PUDP: variants seen among roughly 807,000 people sequenced by gnomAD.
The protein encoded by PUDP is pseudouridine-5'-phosphatase.
A neutral mutation model predicts 9.4 loss-of-function variants in PUDP; 8 were observed. The observed-to-expected ratio is 0.85, with a 90% CI of 0.50 to 1.53. The LOEUF is 1.53. Ranked by LOEUF, PUDP falls within the 40% of genes most tolerant of loss-of-function variation. The pLI is 0.00. For missense variants in PUDP, 188 were observed against 189.7 expected, an observed-to-expected ratio of 0.99 and a Z score of 0.05; for synonymous variants, 99 against 80.7, an observed-to-expected ratio of 1.23 and a Z score of -1.22.
At chrX:6,745,762 G>A (rs5948746) in intron 3 of PUDP, among the ~76,000 whole-genome samples, 29,184 of 110,672 alleles carry the variant, frequency 0.26, 3,750 homozygotes, top group African/African-American at 0.49. Context: ...TCCCACCTCA[G>A]CTTCCCAAGT....
chrX:6,891,619 A>G (rs1927517573), intron 3 of PUDP, among the ~76,000 whole-genome samples: 1 of 111,869 alleles, frequency 8.9e-6, no homozygotes, highest in Non-Finnish European at 1.9e-5. Context: ...TCTGCCTTGG[A>G]CAAGTCATTG....
chrX:6,883,959 G>T (rs1194500447), intron 3 of PUDP, among the ~76,000 whole-genome samples: 1 of 111,257 alleles, frequency 9.0e-6, no homozygotes, highest in African/African-American at 3.3e-5. Flanking sequence ...TCCTGCCTCA[G>T]CCTCCCAAGT....
chrX:6,855,537 A>C (rs1442251432), intron 3 of PUDP, among the ~76,000 whole-genome samples: 1 of 111,621 alleles, frequency 9.0e-6, no homozygotes, highest in Non-Finnish European at 1.9e-5. Context: ...CCCAATCCCC[A>C]TTAGATACTG....
intron 3 of PUDP, among the ~76,000 whole-genome samples, chrX:6,821,938 T>G (rs1602634286): frequency 8.9e-6 from 1 of 111,872 alleles, no homozygotes; most frequent in African/African-American, 3.3e-5. Context: ...TCAGCTTCTT[T>G]GTGTACTGTG....
chrX:6,865,675 G>T (rs1197152661), intron 3 of PUDP, among the ~76,000 whole-genome samples: 1 of 111,618 alleles, frequency 9.0e-6, no homozygotes, highest in African/African-American at 3.3e-5. Flanking sequence ...ATTTGATGGA[G>T]CATTCCCTCA....
intron 3 of PUDP, among the ~76,000 whole-genome samples, chrX:7,052,911 A>C (rs896531882): frequency 8.9e-6 from 1 of 111,899 alleles, no homozygotes; most frequent in African/African-American, 3.2e-5. Flanking sequence ...GGACGCGAGA[A>C]GAAATGACTC....
chrX:7,092,093 A>G (rs1239947092), intron 2 of PUDP, among the ~76,000 whole-genome samples: 1 of 113,083 alleles, frequency 8.8e-6, no homozygotes, highest in African/African-American at 3.2e-5. Flanking sequence ...GTAATGGCCT[A>G]CAAGGCCAGG....
chrX:7,121,742 A>C (rs768612559), intron 1 of PUDP, among the ~76,000 whole-genome samples: 8 of 111,464 alleles, frequency 7.2e-5, no homozygotes, highest in African/African-American at 2.3e-4. Context: ...TGTGCCAGGG[A>C]ACCCCCTGCG....
intron 3 of PUDP, among the ~76,000 whole-genome samples, chrX:6,967,078 T>G (rs1273522606): frequency 1.8e-5 from 2 of 111,354 alleles, no homozygotes; most frequent in African/African-American, 6.5e-5. Flanking sequence ...GGGTTGAGGG[T>G]CATTGGTAAT....
intron 3 of PUDP, among the ~76,000 whole-genome samples, chrX:6,882,195 C>G (rs886643753): frequency 9.0e-6 from 1 of 110,654 alleles, no homozygotes; most frequent in Non-Finnish European, 1.9e-5. Flanking sequence ...TTGTGTATCA[C>G]GTGAGACATT....
At chrX:6,998,845 A>AAT (rs967723969) in intron 1 of PUDP, among the ~76,000 whole-genome samples, 1 of 111,425 alleles carries the variant, frequency 9.0e-6, no homozygotes, top group Non-Finnish European at 1.9e-5. Flanking sequence ...AGTGCCCAAC[A>AAT]ATATGTTTTC....
At position 7,120,582 on chromosome X, in the gene PUDP, C is replaced by T. The variant is rs949444154; in HGVS notation, c.62-14744G>A. ...GTAATAAAAGGCTAACATAGCAACT[C>T]TTTGGGCAGTTTCTTTAAAAGTTAA... On this transcript the variant is annotated intron_variant, in intron 1 of 3. Coordinates refer to ENST00000381077, the MANE Select transcript of PUDP (RefSeq NM_012080.5). Among the ~76,000 whole-genome samples, 4 of 112,581 alleles carry T rather than the reference C, an allele frequency of 3.6e-5. No homozygotes were observed. In the Admixed American group the frequency reaches 3.8e-4, roughly 11 times the overall value.
chrX:6,995,246 G>C (rs964149408), intron 1 of PUDP, among the ~76,000 whole-genome samples: 3 of 111,546 alleles, frequency 2.7e-5, no homozygotes, highest in African/African-American at 6.5e-5. Context: ...CAAGAAGGCT[G>C]ACATTTCAAC....
At position 6,987,416 on chromosome X, in the gene PUDP, CT is replaced by C. The variant is rs771778592; in HGVS notation, c.205-9074del. ...GACTCGGGGGTTCATTTTGCAGTAACTGCTGAGTGTGTGAATGGAAATGAAT... is the reference window on the plus strand; with the variant it reads ...GACTCGGGGGTTCATTTTGCAGTAACGCTGAGTGTGTGAATGGAAATGAAT... On this transcript the variant is annotated intron_variant and NMD_transcript_variant, in intron 1 of 3. Coordinates refer to the PUDP transcript ENST00000655425. Among the ~76,000 whole-genome samples, 10 of 112,084 alleles carry C rather than the reference CT, an allele frequency of 8.9e-5. No individual in the cohort carries two copies. In the South Asian group the frequency reaches 3.8e-3, roughly 43 times the overall value.
chrX:6,926,773 T>C (rs182068959), intron 3 of PUDP, among the ~76,000 whole-genome samples: 24 of 111,761 alleles, frequency 2.1e-4, no homozygotes, highest in Non-Finnish European at 4.0e-4. Context: ...CACTTACTCT[T>C]GAGGAGTCTA....
At chrX:7,126,587 A>C (rs748693078) in intron 1 of PUDP, among the ~76,000 whole-genome samples, 1 of 111,797 alleles carries the variant, frequency 8.9e-6, no homozygotes, top group African/African-American at 3.2e-5. Flanking sequence ...TGGTTAGTAG[A>C]TGCTGTCCTC....
chrX:6,950,689 C>T (rs972388168), intron 3 of PUDP, among the ~76,000 whole-genome samples: 18 of 110,611 alleles, frequency 1.6e-4, no homozygotes, highest in African/African-American at 4.6e-4. Flanking sequence ...GGATTACAGG[C>T]GTGAGCCACT....
At chrX:7,064,614 A>G (rs932075327) in intron 3 of PUDP, among the ~76,000 whole-genome samples, 1 of 110,765 alleles carries the variant, frequency 9.0e-6, no homozygotes, top group East Asian at 2.8e-4. Context: ...GTTTGCACCA[A>G]CCTCTCCTGA....
chrX:6,713,085 G>C (rs1027571627), intron 1 of PUDP, among the ~76,000 whole-genome samples: 1 of 111,658 alleles, frequency 9.0e-6, no homozygotes, highest in Non-Finnish European at 1.9e-5. Context: ...GCTTAATGTT[G>C]GGGCTCAGAA....
Sources: allele counts gnomAD v4.1 joint callset (sites outside exome capture counted in the v4.1 genomes callset), GRCh38; gene constraint gnomAD v4.1.1; transcripts MANE v1.5; gene names NCBI Gene and HGNC (gene_info 2026-07-23, HGNC 2026-07-21).